ANO6: variants seen among roughly 807,000 people sequenced by gnomAD.
ANO6 encodes anoctamin 6, also known as anoctamin-6.
A neutral mutation model predicts 117.5 loss-of-function variants in ANO6; 106 were observed. That is an observed-to-expected ratio of 0.90 (90% confidence interval 0.77 to 1.06). The LOEUF (loss-of-function observed/expected upper bound fraction) is 1.06. ANO6 is among the 50% of genes least tolerant of loss of function. The probability of loss-of-function intolerance (pLI) is 0.00; values close to 1 mark genes in which losing one functional copy is unlikely to be tolerated. For missense variants in ANO6, 955 were observed against 1,121.1 expected, an observed-to-expected ratio of 0.85 and a Z score of 2.12; for synonymous variants, 367 against 385.1, an observed-to-expected ratio of 0.95 and a Z score of 0.55.
At chr12:45,312,855 A>T (rs1565681661) in intron 2 of ANO6, among the ~76,000 whole-genome samples, 1 of 152,072 alleles carries the variant, frequency 6.6e-6, no homozygotes, top group African/African-American at 2.4e-5. Flanking sequence ...TTATGATGTT[A>T]ACATGTATTA....
Position 45,357,497 on chromosome 12 carries a change from CTG to C in ANO6, c.998+75_998+76del, listed in dbSNP as rs1301640589. 43 of 1,569,684 alleles carry C rather than the reference CTG, an allele frequency of 2.7e-5. No individual in the cohort carries two copies. In the African/African-American group the frequency reaches 5.8e-4, roughly 21 times the overall value. The stretch of plus-strand genomic sequence containing the variant: ...ATAAAATTATTTTCATGGTCTTAAA[CTG>C]TTTTGGTAAGACAAGACTGACTGCA... On this transcript the variant is annotated intron_variant, in intron 8 of 19. Coordinates refer to ENST00000320560, the MANE Select transcript of ANO6 (RefSeq NM_001025356.3).
intron 3 of ANO6, among the ~76,000 whole-genome samples, chr12:45,333,454 A>G (rs1339160037): frequency 6.6e-6 from 1 of 152,090 alleles, no homozygotes; most frequent in Non-Finnish European, 1.5e-5. Context: ...AATACATTAA[A>G]GTATAAAAGA....
chr12:45,296,827 T>A (rs1939311285), intron 1 of ANO6, among the ~76,000 whole-genome samples: 1 of 152,200 alleles, frequency 6.6e-6, no homozygotes, highest in Non-Finnish European at 1.5e-5. Context: ...AAAAATAGGA[T>A]TAAATAAGAT....
chr12:45,340,125 T>A (rs952042200), intron 3 of ANO6, among the ~76,000 whole-genome samples: 2 of 152,140 alleles, frequency 1.3e-5, no homozygotes, highest in Non-Finnish European at 2.9e-5. Context: ...ATGTGTAATG[T>A]GTAATGTGTA....
chr12:45,233,895 C>T (rs1288497605), intron 1 of ANO6, among the ~76,000 whole-genome samples: 1 of 152,178 alleles, frequency 6.6e-6, no homozygotes, highest in Non-Finnish European at 1.5e-5. Flanking sequence ...CCTGGCTTCA[C>T]TTAGCACAAT....
At chr12:45,373,136 G>C (rs1941895740) in intron 9 of ANO6, among the ~76,000 whole-genome samples, 1 of 152,068 alleles carries the variant, frequency 6.6e-6, no homozygotes, top group East Asian at 1.9e-4. Context: ...TAATGGTAAA[G>C]GGATCAATTC....
At chr12:45,369,442 T>C (rs943766100) in intron 9 of ANO6, among the ~76,000 whole-genome samples, 2 of 152,114 alleles carry the variant, frequency 1.3e-5, no homozygotes, top group Non-Finnish European at 2.9e-5. Flanking sequence ...TTTCTTCTGC[T>C]CCACCTACCC....
chr12:45,301,721 CT>C (rs1365624280), intron 1 of ANO6, among the ~76,000 whole-genome samples: 1 of 152,060 alleles, frequency 6.6e-6, no homozygotes, highest in Non-Finnish European at 1.5e-5. Context: ...CTTAGTTAGA[CT>C]TTTGTAACAT....
intron 9 of ANO6, among the ~76,000 whole-genome samples, chr12:45,371,467 C>T (rs1478617825): frequency 6.6e-6 from 1 of 152,050 alleles, no homozygotes; most frequent in Non-Finnish European, 1.5e-5. Context: ...CCCTGTCTGA[C>T]AGCTTTGAAG....
At chr12:45,231,679 A>G (rs1947576664) in intron 1 of ANO6, among the ~76,000 whole-genome samples, 1 of 152,150 alleles carries the variant, frequency 6.6e-6, no homozygotes, top group Admixed American at 6.5e-5. Flanking sequence ...TTGCCAGACC[A>G]TCTCATATTT....
At chr12:45,317,914 T>C (rs1464363945) in intron 2 of ANO6, among the ~76,000 whole-genome samples, 2 of 152,242 alleles carry the variant, frequency 1.3e-5, no homozygotes, top group Admixed American at 1.3e-4. Flanking sequence ...GCTGCATAAA[T>C]GTCTTCTTTT....
intron 1 of ANO6, among the ~76,000 whole-genome samples, chr12:45,266,171 C>T (rs931995389): frequency 6.6e-6 from 1 of 152,200 alleles, no homozygotes. Context: ...TTGTCTGCAT[C>T]TTAACCCACT....
intron 2 of ANO6, among the ~76,000 whole-genome samples, chr12:45,314,111 G>C (rs1208652517): frequency 6.6e-6 from 1 of 151,972 alleles, no homozygotes. Flanking sequence ...AATGAGTTCT[G>C]TTAGGCACTT....
chr12:45,436,797 A>G (rs1386844335), downstream of ANO6, among the ~76,000 whole-genome samples: 1 of 152,112 alleles, frequency 6.6e-6, no homozygotes, highest in African/African-American at 2.4e-5. Flanking sequence ...GTGAAACCCT[A>G]TTTCTACTAA....
chr12:45,269,883 A>G (rs192936486), intron 1 of ANO6, among the ~76,000 whole-genome samples: 8 of 152,300 alleles, frequency 5.3e-5, no homozygotes, highest in African/African-American at 1.9e-4. Flanking sequence ...TGACCATAAT[A>G]GGGAACTGAA....
At position 45,367,393 on chromosome 12, in the gene ANO6, CT is replaced by C. The variant is rs1565723203; in HGVS notation, c.999-293del. Among the ~76,000 whole-genome samples the C allele has an allele frequency of 2.6e-5, 4 of 152,108 alleles. No individual in the cohort carries two copies. The South Asian group carries it at 8.3e-4, about 32-fold the overall frequency. ...CAGTTCTCTTTCTTCCTGGCCTATCCTTGTGGCCTTATTTTACTTGACATAC... is the reference window on the plus strand; with the variant it reads ...CAGTTCTCTTTCTTCCTGGCCTATCCTGTGGCCTTATTTTACTTGACATAC... On this transcript the variant is annotated intron_variant, in intron 8 of 19. Transcript: ENST00000320560.
chr12:45,219,490 C>T (rs1239361281), intron 1 of ANO6, among the ~76,000 whole-genome samples: 2 of 150,380 alleles, frequency 1.3e-5, no homozygotes, highest in Non-Finnish European at 3.0e-5. Context: ...CCTTGTGACA[C>T]CATGCCTGGC....
At chr12:45,380,365 G>A (rs1942138230) in intron 10 of ANO6, among the ~76,000 whole-genome samples, 1 of 152,112 alleles carries the variant, frequency 6.6e-6, no homozygotes, top group Admixed American at 6.5e-5. Context: ...ACCTTTGAGG[G>A]GTGAGTTCTA....
chr12:45,323,918 T>G lies in ANO6; in HGVS notation c.151-7377T>G, dbSNP rs146438344. ...AAACATTTTTTCATCACTGTTTTTT[T>G]TTGTTGTTGTTGTTGTATTTTTTTT... On this transcript the variant is annotated intron_variant, in intron 2 of 19. Transcript: ENST00000320560. Among the ~76,000 whole-genome samples, 1,164 of 149,880 alleles carry G rather than the reference T, an allele frequency of 7.8e-3. 14 individuals carry two copies. The highest frequency in any genetic ancestry group is 0.027 in the African/African-American group (1,088 of 40,410).
Sources: allele counts gnomAD v4.1 joint callset (sites outside exome capture counted in the v4.1 genomes callset), GRCh38; gene constraint gnomAD v4.1.1; transcripts MANE v1.5; gene names NCBI Gene and HGNC (gene_info 2026-07-23, HGNC 2026-07-21).